The following ZC3H3 variants were observed in gnomAD, a reference collection of about 807,000 sequenced individuals.
ZC3H3 encodes zinc finger CCCH-type containing 3, also known as zinc finger CCCH domain-containing protein 3.
In ZC3H3, 36 loss-of-function variants were observed where a neutral mutation model predicts 77.3. The observed-to-expected ratio is 0.47, with a 90% CI of 0.36 to 0.61. The LOEUF (loss-of-function observed/expected upper bound fraction) is 0.61, where lower values mean the gene tolerates loss of function less well. ZC3H3 is among the 20% of genes least tolerant of loss of function. The pLI, the probability that ZC3H3 is intolerant of heterozygous loss-of-function variation, is 0.00. For synonymous variants in ZC3H3, 626 were observed against 555.2 expected, an observed-to-expected ratio of 1.13 and a Z score of -1.79; for missense variants, 1,331 against 1,312.2, an observed-to-expected ratio of 1.01 and a Z score of -0.22.
At chr8:143,480,306 G>C (rs1348255826) in intron 4 of ZC3H3, among the ~76,000 whole-genome samples, 1 of 152,168 alleles carries the variant, frequency 6.6e-6, no homozygotes, top group Non-Finnish European at 1.5e-5. Flanking sequence ...CCAGGCTCCC[G>C]GGCCTGCAAG....
intron 9 of ZC3H3, among the ~76,000 whole-genome samples, chr8:143,463,779 G>A (rs1409102522): frequency 1.3e-5 from 2 of 152,242 alleles, no homozygotes; most frequent in Non-Finnish European, 1.5e-5. Flanking sequence ...GACCCCGCAG[G>A]TGTGTACAAA....
At chr8:143,449,629 T>C (rs1215787403) in intron 9 of ZC3H3, among the ~76,000 whole-genome samples, 1 of 152,128 alleles carries the variant, frequency 6.6e-6, no homozygotes, top group African/African-American at 2.4e-5. Context: ...CCCCAGCTAC[T>C]TGGGAGGCTG....
intron 9 of ZC3H3, among the ~76,000 whole-genome samples, chr8:143,455,157 T>C (rs1820082531): frequency 6.6e-6 from 1 of 151,476 alleles, no homozygotes; most frequent in African/African-American, 2.4e-5. Flanking sequence ...CTACTAAAAA[T>C]ACAAACATTA....
rs1276821298 is a variant in ZC3H3, at chr8:143,493,944, T to A, written c.1715+13802A>T. Among the ~76,000 whole-genome samples, 1 of 152,160 alleles carries A rather than the reference T, an allele frequency of 6.6e-6. No individual in the cohort carries two copies. The highest frequency in any genetic ancestry group is 1.5e-5 in the Non-Finnish European group (1 of 68,022). ...CTGTCCTGTTTCATAAAATAAAAAA[T>A]TATAAAAATGAGCACAGGCACAGGG... On this transcript the variant is annotated intron_variant, in intron 4 of 11. Transcript: ENST00000262577. The surrounding 1 kb of genome is among the most constrained non-coding windows in gnomAD (Gnocchi z 4.8).
In ZC3H3 at chr8:143,441,061, G is replaced by A. The variant is rs749998257; in HGVS notation, c.2367C>T (p.Arg789=). 2.0e-5 allele frequency: 30 copies of A among 1,474,446 alleles called. No individual in the cohort carries two copies. The highest frequency in any genetic ancestry group is 2.0e-5 in the Non-Finnish European group (22 of 1,123,716). The allele number at this position is 1,474,446 out of a possible 1,614,324, so 91.3% of individuals were successfully genotyped here. A position where few individuals can be genotyped will look rare whatever the true frequency, so the allele number is the denominator to read the frequency against. The change falls in exon 10 of 12, where the codon CGC becomes CGT. Residue 789 remains arginine (R), a synonymous_variant. Coordinates refer to ENST00000262577, the MANE Select transcript of ZC3H3 (RefSeq NM_015117.3). The part of the protein sequence containing the change: ...PDFARRGACP[R]GAQCQLLHRT... ...GGTGGAGCAGCTGGCACTGGGCGCC[G>A]CGGGGACACGCCCCCCTGCGGGCAA...
rs1310973952 is a variant in ZC3H3 at position 143,474,388 on chromosome 8, T to G, written c.1903+1010A>C. Among the ~76,000 whole-genome samples, 3 of 152,222 alleles carry G rather than the reference T, an allele frequency of 2.0e-5. No individual in the cohort carries two copies. The East Asian group carries it at 5.8e-4, about 29-fold the overall frequency. ...AGCCCCAGCCACCAGGCTACAGGCA[T>G]GGTCATGGGCACTGACCAGCCACAG... On this transcript the variant is annotated intron_variant, in intron 5 of 11. Transcript: ENST00000262577.
intron 3 of ZC3H3, among the ~76,000 whole-genome samples, chr8:143,518,809 G>A (rs1228232482): frequency 2.0e-5 from 3 of 152,248 alleles, no homozygotes; most frequent in Non-Finnish European, 4.4e-5. Context: ...CCCTGAGAAG[G>A]CAGCAAAGGA....
chr8:143,479,806 G>T (rs1016004510), intron 4 of ZC3H3, among the ~76,000 whole-genome samples: 1 of 152,218 alleles, frequency 6.6e-6, no homozygotes, highest in Admixed American at 6.5e-5. Flanking sequence ...CCTGGGGGGG[G>T]ACAAAGGCCA....
At chr8:143,468,729 CCT>C (rs1820483145) in intron 5 of ZC3H3, 70 bp from the exon 6 acceptor site, 1 of 1,502,684 alleles carries the variant, frequency 6.7e-7, no homozygotes, top group Non-Finnish European at 8.9e-7. Flanking sequence ...CTGCTGACCC[CCT>C]TAGTCGAGGC....
intron 9 of ZC3H3, among the ~76,000 whole-genome samples, chr8:143,459,208 T>C (rs1463665551): frequency 6.6e-6 from 1 of 152,220 alleles, no homozygotes; most frequent in Non-Finnish European, 1.5e-5. Context: ...TTATGAATAT[T>C]GATGCAAAAA....
At chr8:143,531,358 A>G (rs1822600159) in intron 3 of ZC3H3, among the ~76,000 whole-genome samples, 1 of 152,188 alleles carries the variant, frequency 6.6e-6, no homozygotes, top group Admixed American at 6.5e-5. Context: ...CAGCAGAGGA[A>G]GAGACCCCCA....
intron 8 of ZC3H3, among the ~76,000 whole-genome samples, chr8:143,467,058 C>G (rs1482600007): frequency 6.6e-6 from 1 of 151,852 alleles, no homozygotes; most frequent in African/African-American, 2.4e-5. Context: ...ATTTAACGAG[C>G]GGGAGTTTAT....
At chr8:143,442,440 G>A (rs1265575079) in intron 9 of ZC3H3, among the ~76,000 whole-genome samples, 1 of 145,344 alleles carries the variant, frequency 6.9e-6, no homozygotes, top group South Asian at 2.5e-4. Flanking sequence ...TCCGGGGGGG[G>A]GGGGGGGCAG....
At chr8:143,497,348 C>A (rs1038735342) in intron 4 of ZC3H3, among the ~76,000 whole-genome samples, 1 of 151,808 alleles carries the variant, frequency 6.6e-6, no homozygotes, top group Admixed American at 6.6e-5. Context: ...CCTTCCCAAT[C>A]CCCCCCAACC....
chr8:143,468,657 G>A lies in ZC3H3; in HGVS notation c.1906C>T (p.Arg636Trp), dbSNP rs17857164. 3.5e-5 allele frequency: 54 copies of A among 1,549,948 alleles called. No individual in the cohort carries two copies. The highest frequency in any genetic ancestry group is 7.1e-5 in the South Asian group (6 of 84,124). ...AGSRPLLRTG[R>W]LDPAGSCSRS... is the part of the protein sequence containing the mutation. ...CTACAGCTGCCTGCAGGATCCAGCC[G>A]GCCTGTGGGGGAGAGAGGCACGGGT... The change falls in exon 6 of 12, where the codon CGG (arginine) becomes TGG (tryptophan). Residue 636 changes from arginine to tryptophan, a missense_variant and splice_region_variant. By Grantham distance (101) the Arg-to-Trp change is moderately radical. Transcript: ENST00000262577.
chr8:143,461,404 G>A (rs757633748), intron 9 of ZC3H3, among the ~76,000 whole-genome samples: 66 of 152,172 alleles, frequency 4.3e-4, no homozygotes, highest in Non-Finnish European at 7.2e-4. Flanking sequence ...CTGCCGGCAG[G>A]AGTGTCAAAC....
intron 3 of ZC3H3, among the ~76,000 whole-genome samples, chr8:143,523,653 G>A (rs1323021295): frequency 6.6e-6 from 1 of 152,234 alleles, no homozygotes; most frequent in African/African-American, 2.4e-5. Flanking sequence ...ACCCTCTGCT[G>A]CATTCTAGGG....
chr8:143,526,246 G>A (rs1822408756), intron 3 of ZC3H3, among the ~76,000 whole-genome samples: 1 of 152,126 alleles, frequency 6.6e-6, no homozygotes. Context: ...CATGACATCA[G>A]GGCCTCGCCA....
At chr8:143,528,490 G>A (rs771801328) in intron 3 of ZC3H3, among the ~76,000 whole-genome samples, 1 of 152,224 alleles carries the variant, frequency 6.6e-6, no homozygotes, top group African/African-American at 2.4e-5. Flanking sequence ...GCTCAGAAAG[G>A]CCTCCCAGCA....
Sources: gnomAD v4.1 joint callset for allele counts (sites outside exome capture counted in the v4.1 genomes callset) on GRCh38, gnomAD v4.1.1 for gene constraint, Gnocchi (gnomAD v3.1) non-coding constraint, MANE v1.5 for transcripts, NCBI Gene and HGNC (gene_info 2026-07-23, HGNC 2026-07-21) for gene names.